The following PDE4B variants were observed in gnomAD, a reference collection of about 807,000 sequenced individuals.
PDE4B encodes phosphodiesterase 4B.
PDE4B carries 20 observed loss-of-function variants against 82.2 expected under a neutral mutation model. The observed-to-expected ratio is 0.24, with a 90% CI of 0.17 to 0.35. PDE4B has a LOEUF of 0.35. PDE4B is among the 10% of genes least tolerant of loss of function. The pLI, the probability that PDE4B is intolerant of heterozygous loss-of-function variation, is 1.00. For synonymous variants in PDE4B, 320 were observed against 318.9 expected, an observed-to-expected ratio of 1.00 and a Z score of -0.04; for missense variants, 655 against 907.2, an observed-to-expected ratio of 0.72 and a Z score of 3.57.
intron 3 of PDE4B, among the ~76,000 whole-genome samples, chr1:66,073,269 A>T (rs1656254270): frequency 6.6e-6 from 1 of 152,100 alleles, no homozygotes; most frequent in Non-Finnish European, 1.5e-5. Context: ...GATTAGGCAG[A>T]TCTGTGTTTG....
At chr1:65,974,303 A>T (rs890229616) in intron 3 of PDE4B, among the ~76,000 whole-genome samples, 2 of 152,232 alleles carry the variant, frequency 1.3e-5, no homozygotes, top group Non-Finnish European at 2.9e-5. Context: ...ATTTGTAATT[A>T]TCATGGATTG....
chr1:65,891,538 T>A (rs1646853393), intron 1 of PDE4B, among the ~76,000 whole-genome samples: 2 of 152,068 alleles, frequency 1.3e-5, no homozygotes. Context: ...GAACTTAGAC[T>A]ATCACATGTA....
At chr1:66,008,256 G>A (rs987839567) in intron 3 of PDE4B, among the ~76,000 whole-genome samples, 2 of 152,116 alleles carry the variant, frequency 1.3e-5, no homozygotes, top group African/African-American at 4.8e-5. Context: ...TATGTTCCAG[G>A]CATGGAACAT....
intron 7 of PDE4B, among the ~76,000 whole-genome samples, chr1:66,278,401 C>T (rs532086044): frequency 1.3e-5 from 2 of 152,320 alleles, no homozygotes; most frequent in South Asian, 2.1e-4. Flanking sequence ...CCAATCTGGA[C>T]TGCCATCTGC....
chr1:66,343,176 T>A (rs888213604), intron 8 of PDE4B, among the ~76,000 whole-genome samples: 104 of 152,172 alleles, frequency 6.8e-4, no homozygotes, highest in African/African-American at 2.3e-3. Flanking sequence ...AGATTTTTTT[T>A]AAAAAAGAGA....
intron 3 of PDE4B, among the ~76,000 whole-genome samples, chr1:66,191,218 A>G (rs1194804787): frequency 6.6e-6 from 1 of 152,202 alleles, no homozygotes; most frequent in Non-Finnish European, 1.5e-5. Context: ...ACTTGTATCT[A>G]GGACTCCAGT....
chr1:66,093,847 C>T (rs1034532320), intron 3 of PDE4B, among the ~76,000 whole-genome samples: 1 of 152,060 alleles, frequency 6.6e-6, no homozygotes, highest in Middle Eastern at 3.4e-3. Flanking sequence ...CAACTTATGC[C>T]GCTCATATCA....
chr1:66,076,495 CT>C (rs1403670251), intron 3 of PDE4B, among the ~76,000 whole-genome samples: 1 of 151,980 alleles, frequency 6.6e-6, no homozygotes, highest in African/African-American at 2.4e-5. Context: ...GTGCACCTGC[CT>C]TTTTGGTAGA....
At chr1:66,011,949 T>G (rs2100741322) in intron 3 of PDE4B, among the ~76,000 whole-genome samples, 1 of 152,258 alleles carries the variant, frequency 6.6e-6, no homozygotes, top group Admixed American at 6.5e-5. Context: ...GTTAGCCTAG[T>G]TAAAACCTCT....
chr1:66,103,626 G>A (rs1373258075), intron 3 of PDE4B, among the ~76,000 whole-genome samples: 3 of 151,856 alleles, frequency 2.0e-5, no homozygotes, highest in Non-Finnish European at 2.9e-5. Flanking sequence ...AAAACTCACA[G>A]GTAAAAAAGA....
intron 1 of PDE4B, among the ~76,000 whole-genome samples, chr1:65,840,606 C>T (rs1012097350): frequency 2.0e-5 from 3 of 152,146 alleles, no homozygotes; most frequent in South Asian, 2.1e-4. Context: ...CCAGAAAATG[C>T]GAGCTATTTA....
At chr1:66,096,256 A>G (rs1645111831) in intron 3 of PDE4B, among the ~76,000 whole-genome samples, 1 of 151,626 alleles carries the variant, frequency 6.6e-6, no homozygotes, top group African/African-American at 2.4e-5. Flanking sequence ...CATATGAGTG[A>G]GAACATGCAG....
intron 7 of PDE4B, among the ~76,000 whole-genome samples, chr1:66,286,501 T>C (rs1656686440): frequency 6.6e-6 from 1 of 152,172 alleles, no homozygotes; most frequent in South Asian, 2.1e-4. Flanking sequence ...TGAAACATTA[T>C]TATTAATAAA....
chr1:66,120,368 T>C lies in PDE4B; in HGVS notation c.282-127092T>C, dbSNP rs530791999. On this transcript the variant is annotated intron_variant, in intron 3 of 16. Coordinates refer to ENST00000341517, the MANE Select transcript of PDE4B (RefSeq NM_002600.4). ...TCTCTGATCTCCTGGGGGAATTTAA[T>C]TGAAGTACATTCTCCTCCTGCCCAG... Among the ~76,000 whole-genome samples, 5 of 152,268 alleles carry C rather than the reference T, an allele frequency of 3.3e-5. No individual in the cohort carries two copies. The East Asian group carries it at 5.8e-4, about 18-fold the overall frequency.
At chr1:66,172,379 CT>C (rs1202009437) in intron 3 of PDE4B, among the ~76,000 whole-genome samples, 2 of 152,152 alleles carry the variant, frequency 1.3e-5, no homozygotes, top group Non-Finnish European at 2.9e-5. Context: ...GATTCTATGT[CT>C]TTGCTATTGT....
intron 3 of PDE4B, among the ~76,000 whole-genome samples, chr1:66,116,512 TG>T (rs1645596967): frequency 6.6e-6 from 1 of 152,182 alleles, no homozygotes; most frequent in African/African-American, 2.4e-5. Context: ...CCAATTTTTT[TG>T]CCTCAAGATT....
At chr1:66,344,111 T>C (rs536927216) in intron 8 of PDE4B, among the ~76,000 whole-genome samples, 2 of 152,204 alleles carry the variant, frequency 1.3e-5, no homozygotes, top group Non-Finnish European at 2.9e-5. Context: ...CCTGTAGCCT[T>C]GTCTGCTGTT....
chr1:66,340,505 A>G (rs1290518425), intron 8 of PDE4B, among the ~76,000 whole-genome samples: 1 of 152,154 alleles, frequency 6.6e-6, no homozygotes, highest in African/African-American at 2.4e-5. Flanking sequence ...TAGAGCCCCC[A>G]AAGATTGAAG....
intron 3 of PDE4B, among the ~76,000 whole-genome samples, chr1:66,023,792 A>T (rs867025943): frequency 6.6e-6 from 1 of 152,108 alleles, no homozygotes; most frequent in African/African-American, 2.4e-5. Flanking sequence ...CTTAATAATA[A>T]TGTTTAGGAG....
Sources: allele counts gnomAD v4.1 joint callset (sites outside exome capture counted in the v4.1 genomes callset), GRCh38; gene constraint gnomAD v4.1.1; transcripts MANE v1.5; gene names NCBI Gene and HGNC (gene_info 2026-07-23, HGNC 2026-07-21).